The following CYYR1 variants were observed in gnomAD, a reference collection of about 807,000 sequenced individuals.
The protein encoded by CYYR1 is cysteine and tyrosine rich 1.
A neutral mutation model predicts 15.2 loss-of-function variants in CYYR1; 14 were observed. The observed-to-expected ratio is 0.92, with a 90% confidence interval of 0.61 to 1.44. CYYR1 has a LOEUF of 1.44. Among genes scored for constraint, CYYR1 ranks in the 40% most tolerant of loss-of-function variants. CYYR1 has a pLI of 0.00. For synonymous variants in CYYR1, 80 were observed against 77.4 expected (o/e 1.03, Z -0.18); for missense variants, 228 against 209.5 (o/e 1.09, Z -0.54).
chr21:26,510,144 G>GT (rs35860253), intron 2 of CYYR1, among the ~76,000 whole-genome samples: 51,449 of 152,000 alleles, frequency 0.34, 8,854 homozygotes, highest in Admixed American at 0.4. Flanking sequence ...AGAAAGGTTT[G>GT]TAAGTCCCAA....
At chr21:26,505,801 T>C (rs1010782834) in intron 2 of CYYR1, among the ~76,000 whole-genome samples, 3 of 135,722 alleles carry the variant, frequency 2.2e-5, no homozygotes, top group African/African-American at 5.5e-5. Context: ...TTAATACATA[T>C]TTTAAAAAAA....
rs374942685 is a variant in CYYR1, at chr21:26,534,981, T to A, written c.176+31285A>T. On this transcript the variant is annotated intron_variant, in intron 2 of 3. Transcript: ENST00000652641. ...ACAGAATACCTATGATACAAATGTA[T>A]TCTATCTGGAATTCTTATTTTATTA... is the stretch of plus-strand genomic sequence containing the variant. 2.6e-5 allele frequency among the ~76,000 whole-genome samples: 4 copies of A among 152,308 alleles called. No individual in the cohort carries two copies. In the East Asian group the frequency reaches 7.7e-4, roughly 29 times the overall value.
chr21:26,512,847 G>T (rs1216632973), intron 2 of CYYR1, among the ~76,000 whole-genome samples: 1 of 152,126 alleles, frequency 6.6e-6, no homozygotes, highest in Non-Finnish European at 1.5e-5. Flanking sequence ...TAATGCATAT[G>T]AATGGGACCC....
chr21:26,531,201 CA>C (rs998182053), intron 2 of CYYR1, among the ~76,000 whole-genome samples: 1 of 152,160 alleles, frequency 6.6e-6, no homozygotes, highest in Non-Finnish European at 1.5e-5. Context: ...ATTGGTTTCA[CA>C]AACATTTTGC....
intron 2 of CYYR1, among the ~76,000 whole-genome samples, chr21:26,521,754 C>T (rs2065806565): frequency 6.6e-6 from 1 of 152,064 alleles, no homozygotes; most frequent in South Asian, 2.1e-4. Flanking sequence ...GACAGGGCCT[C>T]TAGATAGAGG....
chr21:26,529,206 C>A (rs914441944), intron 2 of CYYR1, among the ~76,000 whole-genome samples: 1 of 152,134 alleles, frequency 6.6e-6, no homozygotes, highest in Non-Finnish European at 1.5e-5. Flanking sequence ...TTAGAGGTGG[C>A]AATTTGAATA....
At chr21:26,561,441 C>T (rs949550464) in intron 2 of CYYR1, among the ~76,000 whole-genome samples, 8 of 152,048 alleles carry the variant, frequency 5.3e-5, no homozygotes, top group African/African-American at 4.8e-5. Context: ...AAATGCCACT[C>T]GAAAATATGA....
At chr21:26,508,712 C>T (rs1018979346) in intron 2 of CYYR1, among the ~76,000 whole-genome samples, 5 of 152,108 alleles carry the variant, frequency 3.3e-5, no homozygotes, top group African/African-American at 1.2e-4. Flanking sequence ...GTTTCATATG[C>T]TATGGAATTA....
At chr21:26,480,906 A>T (rs1212428656) in intron 2 of CYYR1, among the ~76,000 whole-genome samples, 1 of 152,190 alleles carries the variant, frequency 6.6e-6, no homozygotes, top group East Asian at 1.9e-4. Context: ...TAGAACAAGA[A>T]TATTTGTTTC....
chr21:26,545,049 T>C (rs1978861738), intron 2 of CYYR1, among the ~76,000 whole-genome samples: 1 of 152,202 alleles, frequency 6.6e-6, no homozygotes, highest in Non-Finnish European at 1.5e-5. Context: ...TCAGAGTAGA[T>C]TAAATGTTTC....
intron 2 of CYYR1, among the ~76,000 whole-genome samples, chr21:26,554,799 C>T (rs1374402877): frequency 1.3e-5 from 2 of 152,038 alleles, no homozygotes; most frequent in Non-Finnish European, 2.9e-5. Flanking sequence ...TTTGATCACT[C>T]TGTTGCTCAG....
At chr21:26,558,199 C>T (rs960107210) in intron 2 of CYYR1, among the ~76,000 whole-genome samples, 5 of 152,058 alleles carry the variant, frequency 3.3e-5, no homozygotes, top group Non-Finnish European at 7.4e-5. Context: ...GGTGTCTGGG[C>T]GACTCCATTA....
At position 26,566,348 on chromosome 21, in the gene CYYR1, C is replaced by A. The variant is rs1980618447; in HGVS notation, c.94G>T (p.Gly32Cys). ...VYADDCLAQC[G>C]KDCKSYCCDG... ...CAGCAGTAAGATTTGCAATCTTTGC[C>A]ACACTGAGCAAGGCAATCATCTACA... Residue 32 changes from glycine (G) to cysteine (C), a missense_variant, in exon 2 of 4, where the codon GGC (glycine) becomes TGC (cysteine). Gly to Cys is a radical substitution (Grantham distance 159). Transcript: ENST00000652641. The A allele has an allele frequency of 6.2e-7, 1 of 1,613,386 alleles. No individual in the cohort carries two copies. Among genetic ancestry groups the A allele is most frequent in the Non-Finnish European group, 8.5e-7 (1 of 1,179,640 alleles).
chr21:26,488,913 T>G (rs1351263381), intron 2 of CYYR1, among the ~76,000 whole-genome samples: 2 of 152,160 alleles, frequency 1.3e-5, no homozygotes, highest in East Asian at 3.9e-4. Context: ...TTAAAAAAAA[T>G]TATTAAAGTC....
chr21:26,552,366 A>G lies in CYYR1; in HGVS notation c.176+13900T>C, dbSNP rs1009235573. ...ATGGTATATCTTTTTCCATCCTTTTACTTAAGTTAGCTATTTCAGTAGAGT... is the reference window on the plus strand; with the variant it reads ...ATGGTATATCTTTTTCCATCCTTTTGCTTAAGTTAGCTATTTCAGTAGAGT... On this transcript the variant is annotated intron_variant, in intron 2 of 3. Transcript: ENST00000652641. Among the ~76,000 whole-genome samples the G allele has an allele frequency of 3.7e-4, 56 of 152,114 alleles. 1 individual carries two copies. The highest frequency in any genetic ancestry group is 2.0e-4 in the Admixed American group (3 of 15,252).
intron 2 of CYYR1, among the ~76,000 whole-genome samples, chr21:26,513,547 C>G (rs750184823): frequency 6.6e-6 from 1 of 152,070 alleles, no homozygotes; most frequent in Non-Finnish European, 1.5e-5. Flanking sequence ...TTGAAAGACA[C>G]AAACCCAGGA....
intron 2 of CYYR1, 61 bp downstream of exon 2, chr21:26,566,205 A>G (rs772720076): frequency 7.2e-6 from 9 of 1,254,488 alleles, no homozygotes; most frequent in Non-Finnish European, 1.0e-5. Context: ...TTTAAAAGAC[A>G]TAACTGGACA....
chr21:26,468,394 C>T lies in CYYR1; in HGVS notation c.*107G>A. On this transcript the variant is annotated 3_prime_UTR_variant, in exon 4 of 4. Transcript: ENST00000652641. ...TATTCCACCTGACACATTATCTGAC[C>T]CCAAAAAGTATTCCTTGGAGCAATT... 2 of 814,568 alleles carry T rather than the reference C, an allele frequency of 2.5e-6. No homozygotes were observed. Among genetic ancestry groups the T allele is most frequent in the South Asian group, 1.4e-5 (1 of 73,522 alleles). 50.5% of individuals were successfully genotyped at this position (814,568 alleles called of 1,614,324 possible). A position where few individuals can be genotyped will look rare whatever the true frequency, so the allele number is the denominator to read the frequency against.
intron 2 of CYYR1, among the ~76,000 whole-genome samples, chr21:26,543,668 G>T (rs919711252): frequency 6.6e-6 from 1 of 152,188 alleles, no homozygotes; most frequent in African/African-American, 2.4e-5. Context: ...CACTTTGGGA[G>T]GCCGAGGCGG....
Sources: allele counts gnomAD v4.1 joint callset (sites outside exome capture counted in the v4.1 genomes callset), GRCh38; gene constraint gnomAD v4.1.1; transcripts MANE v1.5; gene names NCBI Gene and HGNC (gene_info 2026-07-23, HGNC 2026-07-21).